Variants in NCKAP5 observed in about 807,000 individuals in gnomAD.
The protein encoded by NCKAP5 is NCK associated protein 5.
In NCKAP5, 92 loss-of-function variants were observed where a neutral mutation model predicts 167.0. That is an observed-to-expected ratio of 0.55 (90% CI 0.47 to 0.66). The LOEUF is 0.66. Among genes scored for constraint, NCKAP5 ranks in the 30% least tolerant of loss-of-function variants. The pLI is 0.00. For synonymous variants in NCKAP5, 891 were observed against 877.4 expected (o/e 1.02, Z -0.27); for missense variants, 2,378 against 2,315.0 (o/e 1.03, Z -0.56).
intron 4 of NCKAP5, among the ~76,000 whole-genome samples, chr2:133,235,562 A>C (rs2087363893): frequency 6.6e-6 from 1 of 151,854 alleles, no homozygotes; most frequent in Non-Finnish European, 1.5e-5. Flanking sequence ...ACAAGGCAAA[A>C]CCCCATCTCT....
chr2:133,129,247 C>T (rs997115411), intron 6 of NCKAP5, among the ~76,000 whole-genome samples: 1 of 151,598 alleles, frequency 6.6e-6, no homozygotes, highest in Non-Finnish European at 1.5e-5. Context: ...CCTCCCCGCT[C>T]CCCCCACCCC....
intron 6 of NCKAP5, among the ~76,000 whole-genome samples, chr2:133,092,568 C>T (rs1405633624): frequency 6.6e-6 from 1 of 151,656 alleles, no homozygotes; most frequent in Non-Finnish European, 1.5e-5. Context: ...AAACAACATA[C>T]AGCAAGTCCT....
At chr2:132,684,037 T>C (rs1558916657) in intron 19 of NCKAP5, among the ~76,000 whole-genome samples, 1 of 152,258 alleles carries the variant, frequency 6.6e-6, no homozygotes, top group African/African-American at 2.4e-5. Context: ...ATTCAGCAAC[T>C]TGAATATTGC....
At chr2:133,479,283 C>T (rs938605512) in intron 3 of NCKAP5, among the ~76,000 whole-genome samples, 1 of 152,214 alleles carries the variant, frequency 6.6e-6, no homozygotes, top group South Asian at 2.1e-4. Flanking sequence ...ACTTTACATA[C>T]TTAATCAGTT....
At chr2:132,820,969 C>G (rs1013956095) in intron 11 of NCKAP5, among the ~76,000 whole-genome samples, 1 of 152,138 alleles carries the variant, frequency 6.6e-6, no homozygotes, top group African/African-American at 2.4e-5. Flanking sequence ...ACAGGGTCAT[C>G]TATCAGAAAT....
At chr2:132,792,412 C>G (rs74572162) in intron 12 of NCKAP5, among the ~76,000 whole-genome samples, 2 of 152,156 alleles carry the variant, frequency 1.3e-5, no homozygotes, top group Non-Finnish European at 2.9e-5. Context: ...ATGGTTGTGT[C>G]GCAGAGCAGC....
intron 3 of NCKAP5, among the ~76,000 whole-genome samples, chr2:133,511,316 C>T (rs1203090964): frequency 6.6e-6 from 1 of 152,180 alleles, no homozygotes; most frequent in Admixed American, 6.5e-5. Flanking sequence ...GCCCTCCTGG[C>T]CCAGCCTCCC....
intron 6 of NCKAP5, among the ~76,000 whole-genome samples, chr2:133,066,489 T>C (rs574476648): frequency 2.1e-4 from 32 of 152,314 alleles, no homozygotes; most frequent in Non-Finnish European, 4.1e-4. Flanking sequence ...ATTATATGTG[T>C]TTCAAAATCA....
At chr2:133,352,658 G>A (rs1229450099) in intron 3 of NCKAP5, among the ~76,000 whole-genome samples, 1 of 152,218 alleles carries the variant, frequency 6.6e-6, no homozygotes, top group African/African-American at 2.4e-5. Context: ...TGGGTGGACT[G>A]AGGGCTGAGC....
At chr2:132,789,964 A>G (rs1186477240) in intron 13 of NCKAP5, 59 bp downstream of exon 13, 5 of 1,510,986 alleles carry the variant, frequency 3.3e-6, no homozygotes, top group African/African-American at 1.4e-5. Flanking sequence ...CATCTCCATG[A>G]CCAAATCCTA....
intron 6 of NCKAP5, among the ~76,000 whole-genome samples, chr2:133,073,143 A>G (rs995999433): frequency 7.9e-5 from 12 of 152,252 alleles, no homozygotes; most frequent in African/African-American, 2.9e-4. Flanking sequence ...TGTGGAACAG[A>G]CACAAACAGA....
chr2:132,976,535 G>A (rs2076981016), intron 7 of NCKAP5, among the ~76,000 whole-genome samples: 1 of 144,078 alleles, frequency 6.9e-6, no homozygotes, highest in African/African-American at 2.7e-5. Context: ...CTGCACTCCA[G>A]CCTGGGTGAC....
chr2:132,792,854 A>G (rs533166408), intron 12 of NCKAP5, among the ~76,000 whole-genome samples: 71 of 152,296 alleles, frequency 4.7e-4, no homozygotes, highest in African/African-American at 1.6e-3. Flanking sequence ...TTTAATGAAT[A>G]AGCAGCCCTG....
intron 1 of NCKAP5, among the ~76,000 whole-genome samples, chr2:133,561,337 T>C (rs745620868): frequency 1.6e-4 from 25 of 152,200 alleles, no homozygotes; most frequent in Non-Finnish European, 2.6e-4. Context: ...AATAACAAAG[T>C]ATCTCACATT....
At chr2:133,464,338 G>T (rs1172929244) in intron 3 of NCKAP5, among the ~76,000 whole-genome samples, 1 of 152,122 alleles carries the variant, frequency 6.6e-6, no homozygotes, top group Non-Finnish European at 1.5e-5. Context: ...GGATAGAAAT[G>T]GCACCTATCA....
intron 8 of NCKAP5, among the ~76,000 whole-genome samples, chr2:132,885,624 C>T (rs6752610): frequency 0.31 from 47,524 of 152,000 alleles, 7,698 homozygotes; most frequent in Non-Finnish European, 0.35. Flanking sequence ...AGAGCAAATC[C>T]GTATTGGTTT....
intron 5 of NCKAP5, among the ~76,000 whole-genome samples, chr2:133,167,604 GT>G (rs971571990): frequency 1.6e-4 from 24 of 152,214 alleles, no homozygotes; most frequent in African/African-American, 5.8e-4. Flanking sequence ...ACGAACCCTG[GT>G]CTCCTGATTC....
intron 4 of NCKAP5, among the ~76,000 whole-genome samples, chr2:133,293,829 T>A (rs1227975757): frequency 6.6e-6 from 1 of 152,108 alleles, no homozygotes; most frequent in Non-Finnish European, 1.5e-5. Context: ...AAACAACTCC[T>A]GGTGGGTAAT....
intron 8 of NCKAP5, among the ~76,000 whole-genome samples, chr2:132,906,896 T>C (rs886305339): frequency 6.6e-6 from 1 of 152,220 alleles, no homozygotes; most frequent in African/African-American, 2.4e-5. Flanking sequence ...TAAAATTGCA[T>C]GATGAATAAA....
Sources: gnomAD v4.1 joint callset for allele counts (sites outside exome capture counted in the v4.1 genomes callset) on GRCh38, gnomAD v4.1.1 for gene constraint, MANE v1.5 for transcripts, NCBI Gene and HGNC (gene_info 2026-07-23, HGNC 2026-07-21) for gene names.